SEC14L3: variants seen among roughly 807,000 people sequenced by gnomAD.
SEC14L3 encodes SEC14-like protein 3.
A neutral mutation model predicts 57.4 loss-of-function variants in SEC14L3; 56 were observed. The ratio of observed to expected loss-of-function variants is 0.97; its 90% CI spans 0.79 to 1.22. The LOEUF is 1.22. Among genes scored for constraint, SEC14L3 ranks in the 50% most tolerant of loss-of-function variants. The pLI is 0.00. For missense variants in SEC14L3, 485 were observed against 511.7 expected (o/e 0.95, Z 0.50); for synonymous variants, 173 against 194.4 (o/e 0.89, Z 0.92).
In SEC14L3 at chr22:30,459,749, A is replaced by C. The variant is rs1238357309; in HGVS notation, c.*272T>G. 2.6e-6 allele frequency: 3 copies of C among 1,139,956 alleles called. No homozygotes were observed. The highest frequency in any genetic ancestry group is 3.2e-6 in the Non-Finnish European group (3 of 923,292). 70.6% of individuals were successfully genotyped at this position (1,139,956 alleles called of 1,614,324 possible). A position where few individuals can be genotyped will look rare whatever the true frequency, so the allele number is the denominator to read the frequency against. On this transcript the variant is annotated 3_prime_UTR_variant, in exon 12 of 12. Coordinates refer to ENST00000215812, the MANE Select transcript of SEC14L3 (RefSeq NM_174975.5). ...GGTGAGGACAAAGGCTAGGGGATTCATTTTGCTATTTATTGAGTTTCATGA... is the reference window on the plus strand; with the variant it reads ...GGTGAGGACAAAGGCTAGGGGATTCCTTTTGCTATTTATTGAGTTTCATGA...
intron 8 of SEC14L3, among the ~76,000 whole-genome samples, chr22:30,463,199 C>T (rs1286886260): frequency 1.3e-5 from 2 of 152,174 alleles, no homozygotes; most frequent in African/African-American, 2.4e-5. Flanking sequence ...GATGGACAGC[C>T]CTGGGCTTTT....
At chr22:30,448,013 T>G (rs2146076170) in exon 13 of SEC14L3, 1 of 151,086 alleles carries the variant, frequency 6.6e-6, no homozygotes, top group African/African-American at 2.4e-5. Context: ...TGCTACTTGG[T>G]AAGTTCTGGG....
intron 8 of SEC14L3, among the ~76,000 whole-genome samples, chr22:30,464,285 T>C (rs1380716076): frequency 6.6e-6 from 1 of 152,208 alleles, no homozygotes; most frequent in African/African-American, 2.4e-5. Flanking sequence ...AGAAATTGAC[T>C]GCAACCAAAC....
At chr22:30,457,885 A>G, downstream of SEC14L3, among the ~76,000 whole-genome samples, 1 of 152,122 alleles carries the variant, frequency 6.6e-6, no homozygotes, top group East Asian at 1.9e-4. Flanking sequence ...TAGCTCCAGG[A>G]CTATTTCTGT....
In SEC14L3 at chr22:30,449,153, CA is replaced by C; in HGVS notation, c.995del (p.Val332GlyfsTer12). ...ATTTTCGTACCATTTGGTATGCCAT[CA>C]CTTGCGAGTTTGAGTGTGAGTTCTG... On this transcript the variant is annotated frameshift_variant, in exon 13 of 13. Transcript: ENST00000403066. LOFTEE classifies it high-confidence loss of function. 1 of 1,550,598 alleles carries C rather than the reference CA, an allele frequency of 6.4e-7. No homozygotes were observed. The highest frequency in any genetic ancestry group is 8.7e-7 in the Non-Finnish European group (1 of 1,146,994).
intron 5 of SEC14L3, among the ~76,000 whole-genome samples, chr22:30,467,346 T>C (rs1935453735): frequency 6.8e-6 from 1 of 146,824 alleles, no homozygotes; most frequent in African/African-American, 2.5e-5. Flanking sequence ...AATTGAACCA[T>C]CCATCCATTC....
chr22:30,462,214 G>A, intron 8 of SEC14L3, 22 bp from the exon 9 acceptor site: 1 of 1,602,722 alleles, frequency 6.2e-7, no homozygotes, highest in South Asian at 1.1e-5. Flanking sequence ...GGGATTCAAG[G>A]GTGGTTAGCA....
Position 30,466,398 on chromosome 22 carries a change from TGGAACCAAGAGA to T in SEC14L3, c.520-16_520-5del. On this transcript the variant is annotated splice_region_variant and splice_polypyrimidine_tract_variant and intron_variant, in intron 6 of 11. Transcript: ENST00000215812. ...TCTCTTCAAGGAGGCCAAAGAACTG[TGGAACCAAGAGA>T]GATCCCTTCAGAGAGCACATCACAT... 6.2e-7 allele frequency: 1 copy of T among 1,614,072 alleles called. No homozygotes were observed. Among genetic ancestry groups the T allele is most frequent in the Non-Finnish European group, 8.5e-7 (1 of 1,179,994 alleles).
Position 30,470,095 on chromosome 22 carries a change from TG to T in SEC14L3, c.175-18del. ...CTCCATGTACTGAAAGGGAAATGAGTGGTAAGATCCCACTGGGCTCCCAGTG... is the reference window on the plus strand; with the variant it reads ...CTCCATGTACTGAAAGGGAAATGAGTGTAAGATCCCACTGGGCTCCCAGTG... On this transcript the variant is annotated intron_variant, in intron 3 of 11. Transcript: ENST00000215812. The T allele has an allele frequency of 6.2e-7, 1 of 1,604,626 alleles. No homozygotes were observed. Among genetic ancestry groups the T allele is most frequent in the African/African-American group, 1.3e-5 (1 of 74,590 alleles).
chr22:30,471,853 C>T (rs1225946912), intron 1 of SEC14L3, 52 bp downstream of exon 1: 6 of 1,612,132 alleles, frequency 3.7e-6, no homozygotes, highest in African/African-American at 1.3e-5. Flanking sequence ...TCTTTCCACC[C>T]CCCAGCCCCT....
At chr22:30,448,619 T>C in exon 13 of SEC14L3, 1 of 139,144 alleles carries the variant, frequency 7.2e-6, no homozygotes, top group Non-Finnish European at 1.5e-5. Context: ...ACACATGTAA[T>C]CCTAGCACTG....
intron 8 of SEC14L3, among the ~76,000 whole-genome samples, chr22:30,463,764 C>T (rs1364573241): frequency 6.6e-6 from 1 of 152,210 alleles, no homozygotes; most frequent in Non-Finnish European, 1.5e-5. Context: ...TTTCCCTTCT[C>T]TCTCTTTCTC....
chr22:30,452,246 C>CTTTTTTTTTTTT (rs750537241), intron 12 of SEC14L3, among the ~76,000 whole-genome samples: 3 of 90,022 alleles, frequency 3.3e-5, no homozygotes, highest in African/African-American at 4.8e-5. Context: ...TTCTTTCTTT[C>CTTTTTTTTTTTT]TTTTTTTTTT....
At chr22:30,461,184 G>A (rs1935243820) in intron 11 of SEC14L3, 126 bp downstream of exon 11, 2 of 1,173,632 alleles carry the variant, frequency 1.7e-6, no homozygotes, top group South Asian at 1.5e-5. Context: ...TGAATGAATG[G>A]TGCTAACCTA....
chr22:30,464,890 G>C lies in SEC14L3; in HGVS notation c.594C>G (p.Phe198Leu), dbSNP rs1260786548. 6.2e-7 allele frequency: 1 copy of C among 1,613,920 alleles called. No homozygotes were observed. Among genetic ancestry groups the C allele is most frequent in the Non-Finnish European group, 8.5e-7 (1 of 1,179,816 alleles). ...GCTTCATGAGGTTGTAGCCCACAGG[G>C]AACAGTTTGGTAGCTGGAGAGATAG... ...FMLIVKATKL[F>L]PVGYNLMKPF... Residue 198 changes from phenylalanine (F) to leucine (L), a missense_variant, in exon 8 of 12, where the codon TTC (phenylalanine) becomes TTG (leucine). Transcript: ENST00000215812.
At chr22:30,464,754 G>A in intron 8 of SEC14L3, 66 bp downstream of exon 8, 1 of 1,447,244 alleles carries the variant, frequency 6.9e-7, no homozygotes, top group Non-Finnish European at 9.7e-7. Context: ...TCTAGATGGG[G>A]TAATGGGACA....
chr22:30,456,456 G>A (rs1336739751), downstream of SEC14L3, among the ~76,000 whole-genome samples: 3 of 152,120 alleles, frequency 2.0e-5, no homozygotes, highest in African/African-American at 4.8e-5. Context: ...AGGGCTTCAG[G>A]AAGCGTTTAC....
intron 1 of SEC14L3, 115 bp downstream of exon 1, chr22:30,471,790 G>T: frequency 6.9e-7 from 1 of 1,454,418 alleles, no homozygotes; most frequent in Non-Finnish European, 9.6e-7. Context: ...ACACCAAAGA[G>T]ACAATGTCAA....
At chr22:30,452,719 T>C (rs1935012465) in intron 12 of SEC14L3, among the ~76,000 whole-genome samples, 1 of 142,180 alleles carries the variant, frequency 7.0e-6, no homozygotes, top group African/African-American at 2.8e-5. Context: ...CTTTCTTTCT[T>C]TTTTTTTTTT....
Sources: allele counts gnomAD v4.1 joint callset (sites outside exome capture counted in the v4.1 genomes callset), GRCh38; gene constraint gnomAD v4.1.1; transcripts MANE v1.5; gene names NCBI Gene and HGNC (gene_info 2026-07-23, HGNC 2026-07-21).